The following CHD2 variants were observed in gnomAD, a reference collection of about 807,000 sequenced individuals.
CHD2 encodes chromodomain helicase DNA binding protein 2.
CHD2 carries 28 observed loss-of-function variants against 243.9 expected under a neutral mutation model. The observed-to-expected ratio is 0.11, with a 90% confidence interval of 0.09 to 0.16. The LOEUF is 0.16. CHD2 is among the 10% of genes least tolerant of loss of function. The pLI, the probability that CHD2 is intolerant of heterozygous loss-of-function variation, is 1.00. For synonymous variants in CHD2, 775 were observed against 779.0 expected (o/e 0.99, Z 0.09); for missense variants, 1,386 against 2,209.8 (o/e 0.63, Z 7.47).
chr15:92,976,855 C>T (rs2053916172), intron 20 of CHD2, among the ~76,000 whole-genome samples: 1 of 151,230 alleles, frequency 6.6e-6, no homozygotes, highest in African/African-American at 2.4e-5. Flanking sequence ...GCCAGGATTG[C>T]CCCACTGCAC....
At chr15:92,936,385 C>T (rs1047529288) in intron 5 of CHD2, among the ~76,000 whole-genome samples, 6 of 152,240 alleles carry the variant, frequency 3.9e-5, no homozygotes, top group African/African-American at 1.4e-4. Flanking sequence ...GCCCCAGGCA[C>T]TTGCCTGTCA....
chr15:92,904,978 C>G, intron 2 of CHD2: 2 of 1,535,988 alleles, frequency 1.3e-6, no homozygotes, highest in Non-Finnish European at 1.7e-6. Context: ...CGTACATTTT[C>G]TCAGTTGGCA....
At position 93,024,623 on chromosome 15, in the gene CHD2, C is replaced by T; in HGVS notation, c.5405C>T (p.Pro1802Leu). 1 of 1,614,154 alleles carries T rather than the reference C, an allele frequency of 6.2e-7. No individual in the cohort carries two copies. The highest frequency in any genetic ancestry group is 8.5e-7 in the Non-Finnish European group (1 of 1,180,022). The change falls in exon 39 of 39, where the codon CCC (proline) becomes CTC (leucine). Residue 1802 changes from proline to leucine, a missense_variant. Pro to Leu is a moderately conservative substitution (Grantham distance 98, BLOSUM62 -3). Around this residue, in one of 19 missense-constraint regions of CHD2, gnomAD observed 347 missense variants for 341.6 expected, o/e 1.02. Transcript: ENST00000394196. Reference sequence around the variant, plus strand: ...AAATCTCCTCACGATTCCAAGTCACCCCTGGATCATAGGTCTCCTTTGGAG... The same window carrying T: ...AAATCTCCTCACGATTCCAAGTCACTCCTGGATCATAGGTCTCCTTTGGAG... The part of the protein sequence containing the change: ...SQKSPHDSKS[P>L]LDHRSPLERS...
chr15:92,904,687 T>C, intron 2 of CHD2: 1 of 1,357,868 alleles, frequency 7.4e-7, no homozygotes, highest in South Asian at 1.7e-5. Context: ...GCACTATTTA[T>C]AAATTTTAAA....
chr15:92,913,708 C>T (rs946017562), intron 2 of CHD2, among the ~76,000 whole-genome samples: 4 of 152,180 alleles, frequency 2.6e-5, no homozygotes, highest in African/African-American at 7.2e-5. Context: ...AAAAATTAGC[C>T]GGGTGTGGCA....
chr15:92,936,576 G>A (rs1375658881), intron 5 of CHD2, among the ~76,000 whole-genome samples: 1 of 152,160 alleles, frequency 6.6e-6, no homozygotes, highest in Non-Finnish European at 1.5e-5. Context: ...AATTCAAGGA[G>A]CAAAGGAACA....
At chr15:92,949,160 T>A (rs185231710) in intron 13 of CHD2, 84 bp downstream of exon 13, 206 of 1,575,482 alleles carry the variant, frequency 1.3e-4, no homozygotes, top group Admixed American at 6.1e-4. Flanking sequence ...TTTTTCTTTT[T>A]TCACACCCTT....
intron 34 of CHD2, among the ~76,000 whole-genome samples, chr15:93,006,180 G>A (rs995626509): frequency 2.4e-5 from 3 of 125,758 alleles, no homozygotes; most frequent in African/African-American, 9.4e-5. Flanking sequence ...AGGCTGGATT[G>A]CAGTGGCTCA....
rs201921481 is a variant in CHD2 at position 92,956,439 on chromosome 15, C to G, written c.1810-20C>G. ...TTCCCTTCTGACCTGGTGGCTCGTT[C>G]TGTTTTGTTTTTACTTTAGACTGTG... On this transcript the variant is annotated intron_variant, in intron 15 of 38. Coordinates refer to ENST00000394196, the MANE Select transcript of CHD2 (RefSeq NM_001271.4). 15 of 1,598,530 alleles carry G rather than the reference C, an allele frequency of 9.4e-6. No homozygotes were observed. Among genetic ancestry groups the G allele is most frequent in the African/African-American group, 1.4e-5 (1 of 73,770 alleles).
chr15:92,989,025 CTTTTT>C (rs34298248), intron 26 of CHD2, among the ~76,000 whole-genome samples: 1 of 76,520 alleles, frequency 1.3e-5, no homozygotes, highest in African/African-American at 5.1e-5. Context: ...ATACTTCATA[CTTTTT>C]TTTTTTTTTT....
In CHD2 at chr15:93,020,157, C is replaced by T. The variant is rs113969370; in HGVS notation, c.5052C>T (p.His1684=). The change falls in exon 38 of 39, where the codon CAC becomes CAT. Residue 1684 remains histidine, a synonymous_variant. Coordinates refer to ENST00000394196, the MANE Select transcript of CHD2 (RefSeq NM_001271.4). ...GGGACCGGCGACATATGGATGCCCA[C>T]CGTTCCGGAAGCTATCGACCCAACA... The part of the protein sequence containing the change: ...HYGDRRHMDA[H]RSGSYRPNNM... 3.1e-6 allele frequency: 5 copies of T among 1,614,084 alleles called. No homozygotes were observed. In the South Asian group the frequency reaches 5.5e-5, roughly 18 times the overall value.
In CHD2 at chr15:92,996,160, C is replaced by CTT. The variant is rs10712520; in HGVS notation, c.3596-781_3596-780dup. ...TTGAAATTTGGGTTAGGGTAAGTTTCTTTTTTTTTTTTTTTTTGAGATGGA... is the reference window on the plus strand; with the variant it reads ...TTGAAATTTGGGTTAGGGTAAGTTTCTTTTTTTTTTTTTTTTTTTGAGATGGA... On this transcript the variant is annotated intron_variant, in intron 28 of 38. Transcript: ENST00000394196. Among the ~76,000 whole-genome samples, 100 of 112,974 alleles carry CTT rather than the reference C, an allele frequency of 8.9e-4. 1 individual carries two copies. Among genetic ancestry groups the CTT allele is most frequent in the South Asian group, 1.1e-3 (4 of 3,710 alleles). 74.1% of individuals were successfully genotyped at this position (112,974 alleles called of 152,430 possible). A position where few individuals can be genotyped will look rare whatever the true frequency, so the allele number is the denominator to read the frequency against.
intron 28 of CHD2, among the ~76,000 whole-genome samples, chr15:92,996,330 T>G (rs965211653): frequency 6.6e-6 from 1 of 151,972 alleles, no homozygotes; most frequent in African/African-American, 2.4e-5. Flanking sequence ...TGGCTAATTT[T>G]TTTGTATTTT....
At chr15:92,952,518 A>G (rs2053566454) in intron 13 of CHD2, among the ~76,000 whole-genome samples, 1 of 152,164 alleles carries the variant, frequency 6.6e-6, no homozygotes, top group African/African-American at 2.4e-5. Flanking sequence ...AGGTTCTCAT[A>G]AGGAGTGTGC....
At chr15:92,999,896 T>A (rs1736836737) in intron 31 of CHD2, among the ~76,000 whole-genome samples, 2 of 152,208 alleles carry the variant, frequency 1.3e-5, no homozygotes, top group Admixed American at 6.5e-5. Context: ...ACAGAGTGAT[T>A]TTCCTTTTTT....
chr15:92,924,662 C>G (rs1050684135), intron 3 of CHD2, 110 bp downstream of exon 3: 63 of 871,728 alleles, frequency 7.2e-5, no homozygotes, highest in Non-Finnish European at 6.4e-5. Flanking sequence ...AACCTACAGC[C>G]ATTTTTTCTA....
In CHD2 at chr15:92,958,031, G is replaced by T. The variant is rs117752423; in HGVS notation, c.2000+1382G>T. The stretch of plus-strand genomic sequence containing the variant: ...ATTGGGTAATATTTCATTGCATCCA[G>T]TTACCGGTTGATGGACATTTGGATT... On this transcript the variant is annotated intron_variant, in intron 16 of 38. Transcript: ENST00000394196. Among the ~76,000 whole-genome samples the T allele has an allele frequency of 2.8e-3, 433 of 152,232 alleles. 1 individual carries two copies. Among genetic ancestry groups the T allele is most frequent in the Non-Finnish European group, 5.0e-3 (341 of 68,014 alleles).
In CHD2 at chr15:92,997,351, A is replaced by G. The variant is rs1596447179; in HGVS notation, c.3833A>G (p.Tyr1278Cys). Residue 1278 changes from tyrosine to cysteine, a missense_variant, in exon 30 of 39, where the codon TAT becomes TGT. Physicochemically the swap from Tyr to Cys is radical, Grantham distance 194. Transcript: ENST00000394196. This position sits in a 1 kb window ranked among gnomAD's most constrained non-coding sequence, Gnocchi z 4.1. The part of the protein sequence containing the change: ...RLLLGIYEHG[Y>C]GNWELIKTDP... Reference sequence around the variant, plus strand: ...TTGCTGGGGATTTATGAACATGGCTATGGAAACTGGGAGTTAATTAAAACA... The same window carrying G: ...TTGCTGGGGATTTATGAACATGGCTGTGGAAACTGGGAGTTAATTAAAACA... 1 of 1,612,452 alleles carries G rather than the reference A, an allele frequency of 6.2e-7. No homozygotes were observed. Among genetic ancestry groups the G allele is most frequent in the Non-Finnish European group, 8.5e-7 (1 of 1,179,560 alleles).
rs757944116 is a variant in CHD2 at position 93,024,601 on chromosome 15, TCTC to T, written c.5387_5389del (p.Pro1796del). ...TCCTCGCTCACCCCCTTCTCAGAAA[TCTC>T]CTCACGATTCCAAGTCACCCCTGGA... On this transcript the variant is annotated inframe_deletion, in exon 39 of 39. Coordinates refer to ENST00000394196, the MANE Select transcript of CHD2 (RefSeq NM_001271.4). The T allele has an allele frequency of 1.7e-5, 28 of 1,614,092 alleles. No homozygotes were observed. The highest frequency in any genetic ancestry group is 2.1e-5 in the Non-Finnish European group (25 of 1,180,016).
Sources: allele counts gnomAD v4.1 joint callset (sites outside exome capture counted in the v4.1 genomes callset), GRCh38; gene constraint gnomAD v4.1.1; regional missense constraint gnomAD v4.1.1; non-coding constraint Gnocchi (gnomAD v3.1); transcripts MANE v1.5; gene names NCBI Gene and HGNC (gene_info 2026-07-23, HGNC 2026-07-21).